SP3: variants seen among roughly 807,000 people sequenced by gnomAD.
SP3 encodes Sp3 transcription factor.
A neutral mutation model predicts 70.3 loss-of-function variants in SP3; 10 were observed. The ratio of observed to expected loss-of-function variants is 0.14; its 90% CI spans 0.09 to 0.24. The LOEUF (loss-of-function observed/expected upper bound fraction) is 0.24, where lower values mean the gene tolerates loss of function less well. Among genes scored for constraint, SP3 ranks in the 10% least tolerant of loss-of-function variants. The pLI is 1.00. For missense variants in SP3, 825 were observed against 914.6 expected, an observed-to-expected ratio of 0.90 and a Z score of 1.26; for synonymous variants, 402 against 333.5, an observed-to-expected ratio of 1.21 and a Z score of -2.24.
chr2:173,959,544 G>A (rs1223475596), intron 3 of SP3, among the ~76,000 whole-genome samples: 1 of 151,934 alleles, frequency 6.6e-6, no homozygotes, highest in Admixed American at 6.6e-5. Context: ...TGACCAACAT[G>A]ATGAAACCCC....
At chr2:173,961,558 T>C (rs1691078376) in intron 3 of SP3, among the ~76,000 whole-genome samples, 1 of 152,232 alleles carries the variant, frequency 6.6e-6, no homozygotes, top group Non-Finnish European at 1.5e-5. Context: ...TGTCTTAATT[T>C]GGACAAATGT....
At chr2:173,927,689 TTTAA>T (rs1689955108) in intron 4 of SP3, among the ~76,000 whole-genome samples, 1 of 152,360 alleles carries the variant, frequency 6.6e-6, no homozygotes, top group South Asian at 2.1e-4. Context: ...TATAAAGTAT[TTTAA>T]TTAAACTTTG....
Position 173,955,774 on chromosome 2 carries a change from A to G in SP3, c.738T>C (p.Phe246=), listed in dbSNP as rs749872991. Residue 246 remains phenylalanine, a synonymous_variant, in exon 4 of 7, where the codon TTT becomes TTC. Coordinates refer to ENST00000310015, the MANE Select transcript of SP3 (RefSeq NM_003111.5). ...TAGCAACTACTTGGGTTTGACCAGG[A>G]AAAGATGAACCACCAATTGCAACTC... ...VQGVAIGGSS[F]PGQTQVVANV... 9 of 1,614,098 alleles carry G rather than the reference A, an allele frequency of 5.6e-6. No homozygotes were observed. In the East Asian group the frequency reaches 1.8e-4, roughly 32 times the overall value.
intron 4 of SP3, among the ~76,000 whole-genome samples, chr2:173,938,088 G>A (rs1690259013): frequency 6.6e-6 from 1 of 152,082 alleles, no homozygotes; most frequent in Non-Finnish European, 1.5e-5. Flanking sequence ...GTTGGCTTCT[G>A]AAACATAATT....
chr2:173,934,876 T>C (rs918270445), intron 4 of SP3, among the ~76,000 whole-genome samples: 1 of 152,196 alleles, frequency 6.6e-6, no homozygotes, highest in Non-Finnish European at 1.5e-5. Context: ...AGAAAGAATT[T>C]TGGCATATAA....
intron 4 of SP3, among the ~76,000 whole-genome samples, chr2:173,933,663 T>TATATATATATATATATAG (rs1690133445): frequency 7.0e-6 from 1 of 141,946 alleles, no homozygotes; most frequent in African/African-American, 2.6e-5. Context: ...TATATATATA[T>TATATATATATATATATAG]ATATATATAA....
In SP3 at chr2:173,909,831, C is replaced by A. The variant is rs768833121; in HGVS notation, c.*110G>T. 2.1e-6 allele frequency: 2 copies of A among 971,604 alleles called. No individual in the cohort carries two copies. The highest frequency in any genetic ancestry group is 5.2e-5 in the East Asian group (2 of 38,216). The allele number at this position is 971,604 out of a possible 1,614,324, so 60.2% of individuals were successfully genotyped here. On this transcript the variant is annotated 3_prime_UTR_variant, in exon 7 of 7. Transcript: ENST00000310015. ...GTGTCATGTATAACCAAGTTACTGT[C>A]AATCCAAAAATTTTTGCACATCAAT... is the stretch of plus-strand genomic sequence containing the variant.
chr2:173,965,229 G>A lies in SP3; in HGVS notation c.-58C>T. ...CGCCGCCTTACACATGGTGAGGAGCGAAGGCGGCGGCGGCGGGAGAGGATG... is the reference window on the plus strand; with the variant it reads ...CGCCGCCTTACACATGGTGAGGAGCAAAGGCGGCGGCGGCGGGAGAGGATG... On this transcript the variant is annotated 5_prime_UTR_variant, in exon 1 of 7. Transcript: ENST00000310015. The A allele has an allele frequency of 6.5e-7, 1 of 1,540,602 alleles. No individual in the cohort carries two copies. Among genetic ancestry groups the A allele is most frequent in the South Asian group, 1.2e-5 (1 of 83,326 alleles).
intron 4 of SP3, among the ~76,000 whole-genome samples, chr2:173,920,301 AC>A (rs1689717282): frequency 6.6e-6 from 1 of 152,148 alleles, no homozygotes; most frequent in South Asian, 2.1e-4. Context: ...CACAGCACAG[AC>A]GTATTTTCAT....
At chr2:173,918,521 G>T in intron 5 of SP3, 72 bp downstream of exon 5, 1 of 1,382,884 alleles carries the variant, frequency 7.2e-7, no homozygotes, top group Non-Finnish European at 9.9e-7. Flanking sequence ...AAATGACATA[G>T]CATGCAGTAT....
intron 2 of SP3, 149 bp from the exon 3 acceptor site, chr2:173,964,032 C>G: frequency 2.5e-6 from 1 of 406,332 alleles, no homozygotes; most frequent in South Asian, 6.2e-5. Flanking sequence ...CCTCCTCCTC[C>G]TCCTCCTGGT....
At chr2:173,913,022 T>G in intron 6 of SP3, 48 bp downstream of exon 6, 2 of 1,402,076 alleles carry the variant, frequency 1.4e-6, no homozygotes, top group Non-Finnish European at 1.9e-6. Flanking sequence ...AAGGCAGTTA[T>G]GTAGCCCTAT....
At chr2:173,964,103 G>A in intron 2 of SP3, 1 of 351,328 alleles carries the variant, frequency 2.8e-6, no homozygotes, top group Non-Finnish European at 5.1e-6. Context: ...CCGGTCCGCG[G>A]GCAGGCGGGC....
Position 173,907,592 on chromosome 2 carries a change from T to A in SP3, c.*2349A>T, listed in dbSNP as rs536434240. The A allele has an allele frequency of 6.6e-6, 1 of 152,094 alleles. No individual in the cohort carries two copies. Among genetic ancestry groups the A allele is most frequent in the Non-Finnish European group, 1.5e-5 (1 of 67,958 alleles). 9.4% of individuals were successfully genotyped at this position (152,094 alleles called of 1,614,324 possible). On this transcript the variant is annotated 3_prime_UTR_variant, in exon 7 of 7. Transcript: ENST00000310015. ...TTCATAAAATATGCATGGACACCTA[T>A]CGATTCAAAGTACACCATAAACTTA...
At chr2:173,959,554 C>T (rs13029686) in intron 3 of SP3, among the ~76,000 whole-genome samples, 23,253 of 151,936 alleles carry the variant, frequency 0.15, 2,186 homozygotes, top group East Asian at 0.3. Flanking sequence ...GATGAAACCC[C>T]GCCTCTACTA....
At chr2:173,929,014 TC>T (rs1189128743) in intron 4 of SP3, among the ~76,000 whole-genome samples, 1 of 152,176 alleles carries the variant, frequency 6.6e-6, no homozygotes, top group Non-Finnish European at 1.5e-5. Flanking sequence ...TTCACTAATT[TC>T]AAATGTCCAA....
intron 5 of SP3, chr2:173,915,200 A>C (rs1187393084): frequency 1.3e-5 from 2 of 152,220 alleles, no homozygotes; most frequent in Non-Finnish European, 2.9e-5. Context: ...GAAATAAGAA[A>C]TATTATTTGA....
rs191154487 is a variant in SP3 at position 173,910,325 on chromosome 2, A to G, written c.2030-68T>C. The G allele has an allele frequency of 5.4e-5, 75 of 1,378,314 alleles. No homozygotes were observed. In the African/African-American group the frequency reaches 9.9e-4, roughly 18 times the overall value. The allele number at this position is 1,378,314 out of a possible 1,614,324, so 85.4% of individuals were successfully genotyped here. A position where few individuals can be genotyped will look rare whatever the true frequency, so the allele number is the denominator to read the frequency against. On this transcript the variant is annotated intron_variant, in intron 6 of 6. Coordinates refer to ENST00000310015, the MANE Select transcript of SP3 (RefSeq NM_003111.5). ...CTTTAATAGCTCAATCATCTCCCCC[A>G]AAACAGAAAGTAAGTCAACGCTGAC...
chr2:173,949,509 T>A (rs1227049797), intron 4 of SP3, among the ~76,000 whole-genome samples: 1 of 152,142 alleles, frequency 6.6e-6, no homozygotes, highest in Non-Finnish European at 1.5e-5. Flanking sequence ...GCCAGTTACT[T>A]TCCTATCCAA....
Sources: gnomAD v4.1 joint callset for allele counts (sites outside exome capture counted in the v4.1 genomes callset) on GRCh38, gnomAD v4.1.1 for gene constraint, MANE v1.5 for transcripts, NCBI Gene and HGNC (gene_info 2026-07-23, HGNC 2026-07-21) for gene names.